The following CTNND2 variants were observed in gnomAD, a reference collection of about 807,000 sequenced individuals.
CTNND2 encodes the protein catenin delta 2, also known as catenin delta-2.
A neutral mutation model predicts 144.4 loss-of-function variants in CTNND2; 22 were observed. The ratio of observed to expected loss-of-function variants is 0.15; its 90% CI spans 0.11 to 0.22. The LOEUF (loss-of-function observed/expected upper bound fraction) is 0.22. Among genes scored for constraint, CTNND2 ranks in the 10% least tolerant of loss-of-function variants. The pLI, the probability that CTNND2 is intolerant of heterozygous loss-of-function variation, is 1.00. For missense variants in CTNND2, 1,353 were observed against 1,618.8 expected, an observed-to-expected ratio of 0.84 and a Z score of 2.82; for synonymous variants, 751 against 695.6, an observed-to-expected ratio of 1.08 and a Z score of -1.25.
intron 3 of CTNND2, among the ~76,000 whole-genome samples, chr5:11,522,260 T>C (rs1379017823): frequency 6.6e-6 from 1 of 152,256 alleles, no homozygotes; most frequent in African/African-American, 2.4e-5. Context: ...TCTCAATTTC[T>C]GTATTGCATG....
At chr5:11,479,666 T>A (rs1005054942) in intron 3 of CTNND2, among the ~76,000 whole-genome samples, 2 of 152,188 alleles carry the variant, frequency 1.3e-5, no homozygotes, top group African/African-American at 4.8e-5. Flanking sequence ...CATCTGCTAT[T>A]TTTTGATTTC....
At chr5:11,061,794 C>T (rs1240911166) in intron 16 of CTNND2, among the ~76,000 whole-genome samples, 1 of 152,092 alleles carries the variant, frequency 6.6e-6, no homozygotes, top group Non-Finnish European at 1.5e-5. Flanking sequence ...CTGCAGCCTC[C>T]TCCTCCTGGA....
chr5:11,192,028 C>T (rs1338869221), intron 11 of CTNND2, among the ~76,000 whole-genome samples: 1 of 152,152 alleles, frequency 6.6e-6, no homozygotes, highest in Non-Finnish European at 1.5e-5. Context: ...ATAACAAGTC[C>T]CCCTTTCCAT....
intron 5 of CTNND2, among the ~76,000 whole-genome samples, chr5:11,402,934 G>T (rs1445068588): frequency 2.6e-5 from 4 of 152,132 alleles, no homozygotes; most frequent in Non-Finnish European, 4.4e-5. Flanking sequence ...AATGTCCTTG[G>T]CTTAATTAGT....
chr5:11,346,723 T>C, intron 8 of CTNND2, 96 bp from the exon 9 acceptor site: 1 of 1,170,516 alleles, frequency 8.5e-7, no homozygotes, highest in Non-Finnish European at 1.1e-6. Context: ...GTTACACACA[T>C]AAAAAATAGG....
intron 17 of CTNND2, 78 bp downstream of exon 17, chr5:11,022,691 A>ACCCG: frequency 9.7e-7 from 1 of 1,036,016 alleles, no homozygotes; most frequent in South Asian, 1.3e-5. Flanking sequence ...TCATAGTACT[A>ACCCG]CCCGTCATCA....
At chr5:11,151,037 G>A (rs1757715212) in intron 12 of CTNND2, among the ~76,000 whole-genome samples, 1 of 152,162 alleles carries the variant, frequency 6.6e-6, no homozygotes, top group Non-Finnish European at 1.5e-5. Flanking sequence ...CATCAACAGG[G>A]GCATGGCCCC....
At chr5:11,500,696 A>G (rs1770446713) in intron 3 of CTNND2, among the ~76,000 whole-genome samples, 1 of 152,228 alleles carries the variant, frequency 6.6e-6, no homozygotes, top group Admixed American at 6.5e-5. Flanking sequence ...CATTCCACAC[A>G]TTGACCAGTT....
intron 9 of CTNND2, among the ~76,000 whole-genome samples, chr5:11,299,622 T>C (rs953036219): frequency 6.6e-6 from 1 of 152,178 alleles, no homozygotes; most frequent in Non-Finnish European, 1.5e-5. Context: ...GCAGGATCTG[T>C]GGGTCGTCTA....
At chr5:11,579,529 A>G (rs1254962901) in intron 2 of CTNND2, among the ~76,000 whole-genome samples, 1 of 152,178 alleles carries the variant, frequency 6.6e-6, no homozygotes, top group Non-Finnish European at 1.5e-5. Context: ...AAAATAAAAG[A>G]TTCACATTTA....
Position 11,440,940 on chromosome 5 carries a change from G to A in CTNND2, c.288-28871C>T, listed in dbSNP as rs1279447185. Among the ~76,000 whole-genome samples, 3 of 152,156 alleles carry A rather than the reference G, an allele frequency of 2.0e-5. No homozygotes were observed. In the East Asian group the frequency reaches 5.8e-4, roughly 29 times the overall value. ...TCATGCAGAAGGAGCATACTTATTT[G>A]TTGATGTCTTAGTATCTTTCACAAA... On this transcript the variant is annotated intron_variant, in intron 3 of 21. Transcript: ENST00000304623.
chr5:11,178,473 T>C (rs1760684073), intron 11 of CTNND2, among the ~76,000 whole-genome samples: 1 of 152,196 alleles, frequency 6.6e-6, no homozygotes, highest in South Asian at 2.1e-4. Flanking sequence ...CCCCTACTCT[T>C]AAGGAGCTTA....
intron 9 of CTNND2, among the ~76,000 whole-genome samples, chr5:11,279,265 A>G (rs1746870740): frequency 6.6e-6 from 1 of 152,162 alleles, no homozygotes; most frequent in African/African-American, 2.4e-5. Context: ...TATGACCAAA[A>G]TTATGACACC....
At chr5:11,252,179 C>A (rs1743726294) in intron 9 of CTNND2, among the ~76,000 whole-genome samples, 1 of 152,214 alleles carries the variant, frequency 6.6e-6, no homozygotes, top group African/African-American at 2.4e-5. Context: ...ACCTCCTTCA[C>A]ACCCATTTGT....
At chr5:11,335,810 G>C (rs1690131736) in intron 9 of CTNND2, among the ~76,000 whole-genome samples, 1 of 152,100 alleles carries the variant, frequency 6.6e-6, no homozygotes, top group African/African-American at 2.4e-5. Context: ...AAATACCTCT[G>C]ATTGGTTGCT....
chr5:11,643,185 G>C (rs1782156237), intron 2 of CTNND2, among the ~76,000 whole-genome samples: 1 of 151,632 alleles, frequency 6.6e-6, no homozygotes, highest in Non-Finnish European at 1.5e-5. Flanking sequence ...GTGTATGCTT[G>C]CACGTTTTAG....
intron 9 of CTNND2, among the ~76,000 whole-genome samples, chr5:11,263,870 A>T (rs1437957798): frequency 6.6e-6 from 1 of 152,206 alleles, no homozygotes; most frequent in Non-Finnish European, 1.5e-5. Flanking sequence ...ATAACTAGAC[A>T]CAGCGTCCCA....
chr5:11,222,155 T>C (rs1036966508), intron 10 of CTNND2, among the ~76,000 whole-genome samples: 1 of 152,072 alleles, frequency 6.6e-6, no homozygotes, highest in Non-Finnish European at 1.5e-5. Context: ...ACAAACCTTT[T>C]GTGGGTGGGT....
intron 3 of CTNND2, among the ~76,000 whole-genome samples, chr5:11,526,748 C>T (rs1773282419): frequency 6.6e-6 from 1 of 152,184 alleles, no homozygotes; most frequent in East Asian, 1.9e-4. Context: ...CCATTCCACT[C>T]CTAGGTACAC....
Sources: gnomAD v4.1 joint callset for allele counts (sites outside exome capture counted in the v4.1 genomes callset) on GRCh38, gnomAD v4.1.1 for gene constraint, MANE v1.5 for transcripts, NCBI Gene and HGNC (gene_info 2026-07-23, HGNC 2026-07-21) for gene names.